Variants in SELENOV observed in about 807,000 individuals in gnomAD.
The protein encoded by SELENOV is selenoprotein V.
Under a neutral mutation model 21.6 loss-of-function variants are expected in SELENOV, and 25 were observed. That is an observed-to-expected ratio of 1.16 (90% confidence interval 0.84 to 1.62). SELENOV has a LOEUF of 1.62. SELENOV is among the 40% of genes most tolerant of loss of function. The probability of loss-of-function intolerance (pLI) is 0.00; values close to 1 mark genes in which losing one functional copy is unlikely to be tolerated. For missense variants in SELENOV, 472 were observed against 459.0 expected (o/e 1.03, Z -0.26); for synonymous variants, 227 against 216.9 (o/e 1.05, Z -0.41).
chr19:39,516,300 G>T (rs1213779984), intron 1 of SELENOV: 1 of 620,860 alleles, frequency 1.6e-6, no homozygotes, highest in Non-Finnish European at 3.0e-6. Context: ...TAGAGATGGG[G>T]TGCTGAGTAG....
intron 1 of SELENOV, among the ~76,000 whole-genome samples, chr19:39,518,011 G>A (rs774704884): frequency 2.3e-5 from 3 of 129,190 alleles, no homozygotes; most frequent in Non-Finnish European, 4.8e-5. Context: ...GGTGGCTCAC[G>A]CCTGTAATTC....
intron 1 of SELENOV, among the ~76,000 whole-genome samples, chr19:39,518,000 C>T (rs866886347): frequency 1.7e-4 from 11 of 66,434 alleles, no homozygotes; most frequent in African/African-American, 4.3e-4. Context: ...AAGCCCAGCG[C>T]GGTGGCTCAC....
chr19:39,516,021 G>A (rs1431552460), exon 1 of SELENOV: 2 of 1,579,464 alleles, frequency 1.3e-6, no homozygotes, highest in Non-Finnish European at 1.7e-6. Flanking sequence ...GTGACCTACT[G>A]GTGAGGACCT....
At chr19:39,518,288 AAAAAAC>A (rs984457648) in intron 1 of SELENOV, among the ~76,000 whole-genome samples, 4 of 66,436 alleles carry the variant, frequency 6.0e-5, no homozygotes, top group Non-Finnish European at 6.5e-5. Context: ...CAAAAAAACA[AAAAAAC>A]AAAAAAAAAA....
chr19:39,519,052 T>G lies in SELENOV; in HGVS notation c.964-19T>G. 1 of 1,613,486 alleles carries G rather than the reference T, an allele frequency of 6.2e-7. No homozygotes were observed. Among genetic ancestry groups the G allele is most frequent in the African/African-American group, 1.3e-5 (1 of 74,948 alleles). On this transcript the variant is annotated intron_variant, in intron 4 of 5. Transcript: ENST00000335426. ...CCTGGGGGTGGGAGACCTGTGTGCT[T>G]TCTTCCCTCTGTGCCCAGAGGGGTG... is the stretch of plus-strand genomic sequence containing the variant.
chr19:39,518,526 G>A lies in SELENOV; in HGVS notation c.810-82G>A, dbSNP rs111299652. 1.0e-4 allele frequency: 137 copies of A among 1,342,736 alleles called. No individual in the cohort carries two copies. The East Asian group carries it at 1.8e-3, about 18-fold the overall frequency. 83.2% of individuals were successfully genotyped at this position (1,342,736 alleles called of 1,614,324 possible). Reference sequence around the variant, plus strand: ...ATGATCTAACTCAGGTGTTCATAGGGTGCCCTGAGCTGGGGAAGATACTGA... The same window carrying A: ...ATGATCTAACTCAGGTGTTCATAGGATGCCCTGAGCTGGGGAAGATACTGA... On this transcript the variant is annotated intron_variant, in intron 1 of 5. Coordinates refer to ENST00000335426, the Ensembl canonical transcript of SELENOV.
At position 39,515,432 on chromosome 19, in the gene SELENOV, C is replaced by T; in HGVS notation, c.220C>T (p.Pro74Ser). Reference sequence around the variant, plus strand: ...TCCAGCCCAGATTCCCACTCTGGTCCCCACTCCCGCTCTGGCCCGGATCCC... The same window carrying T: ...TCCAGCCCAGATTCCCACTCTGGTCTCCACTCCCGCTCTGGCCCGGATCCC... The change falls in exon 1 of 6, where the codon CCC becomes TCC. Residue 74 changes from proline (P) to serine (S), a missense_variant. Transcript: ENST00000335426. The surrounding 1 kb of genome is among the most constrained non-coding windows in gnomAD (Gnocchi z 5.1). 6.4e-7 allele frequency: 1 copy of T among 1,551,596 alleles called. No homozygotes were observed. Among genetic ancestry groups the T allele is most frequent in the Non-Finnish European group, 8.7e-7 (1 of 1,146,954 alleles).
chr19:39,519,344 G>A (rs556050205), intron 5 of SELENOV, among the ~76,000 whole-genome samples, 174 bp downstream of exon 5: 2 of 152,018 alleles, frequency 1.3e-5, no homozygotes, highest in East Asian at 3.9e-4. Flanking sequence ...AGACCCTGGG[G>A]TAGGACTGTG....
intron 1 of SELENOV, 59 bp from the exon 2 acceptor site, chr19:39,518,549 T>A (rs984569179): frequency 6.6e-7 from 1 of 1,521,694 alleles, no homozygotes; most frequent in South Asian, 1.2e-5. Context: ...GGGAAGATAC[T>A]GATGCGGTGT....
At chr19:39,517,282 C>T (rs141403926) in intron 1 of SELENOV, among the ~76,000 whole-genome samples, 30 of 152,176 alleles carry the variant, frequency 2.0e-4, no homozygotes, top group African/African-American at 6.5e-4. Context: ...TCCATGGATT[C>T]GTGTATTCAT....
intron 5 of SELENOV, among the ~76,000 whole-genome samples, 177 bp from the exon 6 acceptor site, chr19:39,519,964 CAAAAA>C (rs5828040): frequency 1.0e-4 from 8 of 76,928 alleles, no homozygotes; most frequent in Non-Finnish European, 1.2e-4. Context: ...GACTCTGTCT[CAAAAA>C]AAAAAAAAAA....
chr19:39,518,560 C>G (rs761099188), intron 1 of SELENOV, 48 bp from the exon 2 acceptor site: 1 of 1,566,038 alleles, frequency 6.4e-7, no homozygotes, highest in African/African-American at 1.4e-5. Flanking sequence ...GATGCGGTGT[C>G]TTCCCTGGTC....
intron 5 of SELENOV, among the ~76,000 whole-genome samples, chr19:39,519,807 T>C (rs2079719413): frequency 6.6e-6 from 1 of 150,980 alleles, no homozygotes; most frequent in Non-Finnish European, 1.5e-5. Context: ...GTACTAAAAA[T>C]ACAAAAAATT....
In SELENOV at chr19:39,515,567, C is replaced by A; in HGVS notation, c.355C>A (p.Pro119Thr). ...GACTCCGGCTCGGACCCTGACTCCT[C>A]CAGTCCGGGTCCCAGCCCCAGCCCC... The change falls in exon 1 of 6, where the codon CCA becomes ACA. Residue 119 changes from proline to threonine, a missense_variant. Transcript: ENST00000335426. This position sits in a 1 kb window ranked among gnomAD's most constrained non-coding sequence, Gnocchi z 5.1. The A allele has an allele frequency of 6.5e-7, 1 of 1,549,606 alleles. No individual in the cohort carries two copies. The highest frequency in any genetic ancestry group is 1.2e-5 in the South Asian group (1 of 84,056).
chr19:39,516,176 C>G, intron 1 of SELENOV, 155 bp downstream of exon 1: 1 of 721,152 alleles, frequency 1.4e-6, no homozygotes, highest in Non-Finnish European at 2.5e-6. Context: ...GAAACCCGCT[C>G]TTGTCTCTCA....
At chr19:39,516,139 A>G (rs993155939) in intron 1 of SELENOV, 118 bp downstream of exon 1, 29 of 878,452 alleles carry the variant, frequency 3.3e-5, no homozygotes, top group Non-Finnish European at 5.1e-5. Context: ...ATTCAGGAAG[A>G]GCCCCAGAGT....
At position 39,518,987 on chromosome 19, in the gene SELENOV, A is replaced by T. The variant is rs1462146560; in HGVS notation, c.963+10A>T. ...GGTCCATTCCAAGAAGGTGATCCTG[A>T]GTAAAGGTCCGGGACAGGGAGGTGG... On this transcript the variant is annotated intron_variant, in intron 4 of 5. Transcript: ENST00000335426. The T allele has an allele frequency of 1.2e-6, 2 of 1,613,634 alleles. No homozygotes were observed. Among genetic ancestry groups the T allele is most frequent in the Non-Finnish European group, 1.7e-6 (2 of 1,179,756 alleles).
At position 39,515,360 on chromosome 19, in the gene SELENOV, C is replaced by G. The variant is rs1254919246; in HGVS notation, c.148C>G (p.Leu50Val). The G allele has an allele frequency of 6.4e-7, 1 of 1,551,510 alleles. No individual in the cohort carries two copies. Residue 50 changes from leucine to valine, a missense_variant, in exon 1 of 6, where the codon CTG becomes GTG. By Grantham distance (32) the Leu-to-Val change is conservative. Coordinates refer to ENST00000335426, the Ensembl canonical transcript of SELENOV. This position sits in a 1 kb window ranked among gnomAD's most constrained non-coding sequence, Gnocchi z 5.1. Reference sequence around the variant, plus strand: ...CCCCATCCGGACCCTGACTCCAGTCCTGACTCCGTCTCCAGCCGGGACTTC... The same window carrying G: ...CCCCATCCGGACCCTGACTCCAGTCGTGACTCCGTCTCCAGCCGGGACTTC...
In SELENOV at chr19:39,518,646, G is replaced by C. The variant is rs771000293; in HGVS notation, c.834+14G>C. The C allele has an allele frequency of 1.2e-6, 2 of 1,610,818 alleles. No individual in the cohort carries two copies. The highest frequency in any genetic ancestry group is 1.7e-6 in the Non-Finnish European group (2 of 1,178,392). On this transcript the variant is annotated intron_variant, in intron 2 of 5. Coordinates refer to ENST00000335426, the Ensembl canonical transcript of SELENOV. ...TATAGCCTTCGGGTGAGTAGTTTTG[G>C]CTTTGGAGGTAGGGGGAGCCTGAGG...
Sources: gnomAD v4.1 joint callset for allele counts (sites outside exome capture counted in the v4.1 genomes callset) on GRCh38, gnomAD v4.1.1 for gene constraint, Gnocchi (gnomAD v3.1) non-coding constraint, MANE v1.5 for transcripts, NCBI Gene and HGNC (gene_info 2026-07-23, HGNC 2026-07-21) for gene names.